Variants in PINX1 observed in about 807,000 individuals in gnomAD.
PINX1 encodes PIN2 (TERF1) interacting telomerase inhibitor 1.
Under a neutral mutation model 25.4 loss-of-function variants are expected in PINX1, and 34 were observed. The observed-to-expected ratio is 1.34, with a 90% CI of 1.02 to 1.78. The LOEUF is 1.78. PINX1 is among the 40% of genes most tolerant of loss of function. The pLI is 0.00. For missense variants in PINX1, 592 were observed against 404.9 expected (o/e 1.46, Z -3.97); for synonymous variants, 197 against 147.7 (o/e 1.33, Z -2.42).
intron 6 of PINX1, among the ~76,000 whole-genome samples, chr8:10,786,735 T>A (rs999448095): frequency 6.6e-6 from 1 of 152,110 alleles, no homozygotes; most frequent in African/African-American, 2.4e-5. Flanking sequence ...TGTGTAATCT[T>A]GCTTCCTCCC....
At chr8:10,838,189 ATCAAACTCTGTATAATTTG>A (rs1798461612) in intron 1 of PINX1, among the ~76,000 whole-genome samples, 2 of 152,370 alleles carry the variant, frequency 1.3e-5, no homozygotes, top group African/African-American at 4.8e-5. Context: ...TCTTTGCTCA[ATCAAACTCTGTATAATTTG>A]TCTAAGGTTT....
chr8:10,817,217 T>C (rs530608985), intron 6 of PINX1, among the ~76,000 whole-genome samples: 1 of 152,280 alleles, frequency 6.6e-6, no homozygotes, highest in Non-Finnish European at 1.5e-5. Context: ...TTTCCAGGAC[T>C]CTGGAGGGAG....
chr8:10,782,283 C>T (rs1232115633), intron 6 of PINX1, among the ~76,000 whole-genome samples: 1 of 152,052 alleles, frequency 6.6e-6, no homozygotes, highest in Non-Finnish European at 1.5e-5. Context: ...GGTGTGGGGA[C>T]TGTGGCTAAT....
chr8:10,786,179 C>T (rs1801741840), intron 6 of PINX1, among the ~76,000 whole-genome samples: 1 of 152,154 alleles, frequency 6.6e-6, no homozygotes, highest in South Asian at 2.1e-4. Context: ...TGTTCACTTC[C>T]TTGCCAATAT....
intron 4 of PINX1, among the ~76,000 whole-genome samples, chr8:10,828,381 A>C (rs1016334964): frequency 6.6e-6 from 1 of 152,220 alleles, no homozygotes; most frequent in Non-Finnish European, 1.5e-5. Context: ...GAGGCGCTGG[A>C]CTGGAGGCTT....
chr8:10,828,085 C>G (rs1408931192), intron 4 of PINX1, among the ~76,000 whole-genome samples: 1 of 152,014 alleles, frequency 6.6e-6, no homozygotes, highest in East Asian at 1.9e-4. Flanking sequence ...AGGTATAGTT[C>G]CCTATGGGAA....
chr8:10,829,257 G>A (rs1457725179), intron 4 of PINX1, among the ~76,000 whole-genome samples: 1 of 142,634 alleles, frequency 7.0e-6, no homozygotes, highest in Non-Finnish European at 1.5e-5. Flanking sequence ...CTGCACTCCA[G>A]CCTGGGCCAC....
intron 6 of PINX1, among the ~76,000 whole-genome samples, chr8:10,790,462 T>A (rs1259898562): frequency 6.6e-6 from 1 of 152,048 alleles, no homozygotes; most frequent in Admixed American, 6.6e-5. Context: ...AGGCTTCACA[T>A]CCAGAGCTGC....
intron 6 of PINX1, among the ~76,000 whole-genome samples, chr8:10,775,763 C>A (rs916555949): frequency 5.9e-5 from 9 of 152,188 alleles, no homozygotes; most frequent in African/African-American, 2.2e-4. Flanking sequence ...TGATCTAGGA[C>A]AAGTCACCGG....
chr8:10,807,135 C>T (rs924467745), intron 6 of PINX1, among the ~76,000 whole-genome samples: 6 of 151,958 alleles, frequency 3.9e-5, no homozygotes, highest in East Asian at 1.9e-4. Context: ...AAACAATCTG[C>T]GAATGTGTGA....
At chr8:10,812,304 C>A (rs867399387) in intron 6 of PINX1, among the ~76,000 whole-genome samples, 2 of 152,148 alleles carry the variant, frequency 1.3e-5, no homozygotes, top group Non-Finnish European at 2.9e-5. Context: ...CCTTTGTGGT[C>A]GAGGAAAACG....
At chr8:10,768,579 T>A in intron 6 of PINX1, among the ~76,000 whole-genome samples, 1 of 152,210 alleles carries the variant, frequency 6.6e-6, no homozygotes, top group Non-Finnish European at 1.5e-5. Context: ...ACCCAAGTCC[T>A]ACTTCTTCCC....
intron 6 of PINX1, among the ~76,000 whole-genome samples, chr8:10,814,855 C>G (rs553647006): frequency 6.6e-6 from 1 of 152,290 alleles, no homozygotes; most frequent in South Asian, 2.1e-4. Flanking sequence ...GGAATGAGAA[C>G]AAAAATCCTC....
At chr8:10,813,980 C>A (rs1797615434) in intron 6 of PINX1, among the ~76,000 whole-genome samples, 2 of 152,022 alleles carry the variant, frequency 1.3e-5, no homozygotes, top group African/African-American at 4.8e-5. Flanking sequence ...TCAGTGTCTC[C>A]AACTTCAAAT....
chr8:10,780,174 A>G (rs899399816), intron 6 of PINX1, among the ~76,000 whole-genome samples: 5 of 152,142 alleles, frequency 3.3e-5, no homozygotes, highest in African/African-American at 9.7e-5. Context: ...AGATAATTTT[A>G]ATTTTTCCTT....
At chr8:10,802,529 T>C (rs7006707) in intron 6 of PINX1, among the ~76,000 whole-genome samples, 7,876 of 152,276 alleles carry the variant, frequency 0.052, 226 homozygotes, top group South Asian at 0.076. Flanking sequence ...GAAACTCCTA[T>C]CTCTTTGCCA....
chr8:10,765,469 C>G lies in PINX1; in HGVS notation c.919G>C (p.Glu307Gln). ...RGKKKLQKPV[E>Q]IAEDATLEET... is the part of the protein sequence containing the mutation. ...TCTAGTGTAGCGTCCTCTGCTATCT[C>G]TACTGGTTTTTGCAGCTTTTTCTTC... is the stretch of plus-strand genomic sequence containing the variant. Residue 307 changes from glutamate to glutamine, a missense_variant, in exon 7 of 7, where the codon GAG becomes CAG. Glu to Gln is a conservative substitution (Grantham distance 29, BLOSUM62 2). Transcript: ENST00000314787. 2 of 1,613,314 alleles carry G rather than the reference C, an allele frequency of 1.2e-6. No homozygotes were observed. Among genetic ancestry groups the G allele is most frequent in the Non-Finnish European group, 1.7e-6 (2 of 1,179,864 alleles).
chr8:10,787,212 C>T (rs1258320695), intron 6 of PINX1, among the ~76,000 whole-genome samples: 1 of 147,440 alleles, frequency 6.8e-6, no homozygotes, highest in Non-Finnish European at 1.5e-5. Flanking sequence ...ATTTTATGCA[C>T]ACACACACAC....
Position 10,774,138 on chromosome 8 carries a change from C to T in PINX1, c.472-8222G>A, listed in dbSNP as rs566080851. Reference sequence around the variant, plus strand: ...AGCAGAAGCTTCCAGAGGGTTCTGTCTCTTCCATCTTTATTCCACAGGAAG... The same window carrying T: ...AGCAGAAGCTTCCAGAGGGTTCTGTTTCTTCCATCTTTATTCCACAGGAAG... On this transcript the variant is annotated intron_variant, in intron 6 of 6. Coordinates refer to ENST00000314787, the MANE Select transcript of PINX1 (RefSeq NM_017884.6). Among the ~76,000 whole-genome samples the T allele has an allele frequency of 2.0e-5, 3 of 152,342 alleles. No individual in the cohort carries two copies. In the South Asian group the frequency reaches 6.2e-4, roughly 32 times the overall value.
Sources: gnomAD v4.1 joint callset for allele counts (sites outside exome capture counted in the v4.1 genomes callset) on GRCh38, gnomAD v4.1.1 for gene constraint, MANE v1.5 for transcripts, NCBI Gene and HGNC (gene_info 2026-07-23, HGNC 2026-07-21) for gene names.